DNM2: variants seen among roughly 807,000 people sequenced by gnomAD.
DNM2 encodes dynamin-2.
In DNM2, 15 loss-of-function variants were observed where a neutral mutation model predicts 99.0. The ratio of observed to expected loss-of-function variants is 0.15; its 90% CI spans 0.10 to 0.23. DNM2 has a LOEUF of 0.23. Among genes scored for constraint, DNM2 ranks in the 10% least tolerant of loss-of-function variants. The probability of loss-of-function intolerance (pLI) is 1.00; values close to 1 mark genes in which losing one functional copy is unlikely to be tolerated. For missense variants in DNM2, 742 were observed against 1,189.4 expected (o/e 0.62, Z 5.53); for synonymous variants, 525 against 481.2 (o/e 1.09, Z -1.19).
intron 13 of DNM2, 144 bp downstream of exon 13, chr19:10,806,111 C>T: frequency 2.0e-6 from 2 of 1,023,206 alleles, no homozygotes; most frequent in Middle Eastern, 2.3e-4. Context: ...CTCTAGAGGC[C>T]ACTTAGGAAT....
Position 10,795,573 on chromosome 19 carries a change from G to A in DNM2, c.1196+134G>A. ...GGCTCTTGGATGGTTTTCTGTAGCT[G>A]CGAGCCCCTCCCTGAGGGTCTCCAA... On this transcript the variant is annotated intron_variant, in intron 9 of 20. Transcript: ENST00000389253. The surrounding 1 kb of genome is among the most constrained non-coding windows in gnomAD (Gnocchi z 4.2). 1 of 1,018,326 alleles carries A rather than the reference G, an allele frequency of 9.8e-7. No individual in the cohort carries two copies. Among genetic ancestry groups the A allele is most frequent in the Non-Finnish European group, 1.5e-6 (1 of 662,940 alleles). 63.1% of individuals were successfully genotyped at this position (1,018,326 alleles called of 1,614,324 possible). A position where few individuals can be genotyped will look rare whatever the true frequency, so the allele number is the denominator to read the frequency against.
intron 1 of DNM2, among the ~76,000 whole-genome samples, chr19:10,732,928 G>T (rs2069384660): frequency 6.6e-6 from 1 of 151,676 alleles, no homozygotes; most frequent in Admixed American, 6.6e-5. Flanking sequence ...TTGTTCCCCA[G>T]GCTGGAGTGC....
At chr19:10,740,415 G>A (rs61102747) in intron 1 of DNM2, among the ~76,000 whole-genome samples, 15,874 of 149,658 alleles carry the variant, frequency 0.11, 1,296 homozygotes, top group East Asian at 0.38. Flanking sequence ...TCGCTCTGTC[G>A]CCCAGGCTGG....
intron 2 of DNM2, among the ~76,000 whole-genome samples, chr19:10,769,918 A>G (rs1568289829): frequency 2.0e-5 from 3 of 152,242 alleles, no homozygotes; most frequent in Non-Finnish European, 4.4e-5. Context: ...CAGTGGCCTC[A>G]CAAAGGCTAT....
chr19:10,722,827 G>A (rs905361787), intron 1 of DNM2, among the ~76,000 whole-genome samples: 7 of 151,822 alleles, frequency 4.6e-5, no homozygotes, highest in Non-Finnish European at 8.8e-5. Context: ...GGGCCTTGCT[G>A]TGTTGCCCAG....
rs148424531 is a variant in DNM2 at position 10,734,019 on chromosome 19, A to T, written c.161+15616A>T. Among the ~76,000 whole-genome samples the T allele has an allele frequency of 3.9e-4, 60 of 152,020 alleles. No individual in the cohort carries two copies. The East Asian group carries it at 0.01, about 25-fold the overall frequency. ...GGAGACTCCATCTCAAAAAATAAAA[A>T]AAAAAAAATGAATGAATGAAATTAA... On this transcript the variant is annotated intron_variant, in intron 1 of 20. Transcript: ENST00000389253.
chr19:10,747,320 C>G (rs2145794966), intron 1 of DNM2, among the ~76,000 whole-genome samples: 1 of 152,240 alleles, frequency 6.6e-6, no homozygotes, highest in East Asian at 1.9e-4. Flanking sequence ...CTGACCTGCC[C>G]ATCTTGTCCA....
intron 5 of DNM2, among the ~76,000 whole-genome samples, chr19:10,778,409 T>C (rs1176040125): frequency 6.6e-6 from 1 of 151,912 alleles, no homozygotes; most frequent in Non-Finnish European, 1.5e-5. Flanking sequence ...CTCAGTGCTT[T>C]GGGAGGCTGA....
chr19:10,731,954 T>TA (rs1359341309), intron 1 of DNM2, among the ~76,000 whole-genome samples: 1 of 133,150 alleles, frequency 7.5e-6, no homozygotes, highest in Non-Finnish European at 1.6e-5. Context: ...ACAGGCTTGA[T>TA]TTTTTTTTTT....
intron 15 of DNM2, among the ~76,000 whole-genome samples, chr19:10,819,748 G>A (rs754075936): frequency 3.9e-5 from 6 of 152,174 alleles, no homozygotes; most frequent in African/African-American, 9.7e-5. Context: ...CCGGTCGTCC[G>A]AAGGCCCTGG....
At chr19:10,823,117 A>C (rs2073033351) in intron 16 of DNM2, 1 of 145,512 alleles carries the variant, frequency 6.9e-6, no homozygotes. Flanking sequence ...AAACAAAACA[A>C]AACACATTCG....
chr19:10,745,201 A>G (rs976576661), intron 1 of DNM2, among the ~76,000 whole-genome samples: 1 of 152,128 alleles, frequency 6.6e-6, no homozygotes, highest in African/African-American at 2.4e-5. Context: ...CGTGCATCGC[A>G]CTTGACCTTC....
At chr19:10,780,295 G>A (rs1343522148) in intron 5 of DNM2, 1 of 153,202 alleles carries the variant, frequency 6.5e-6, no homozygotes, top group Non-Finnish European at 1.5e-5. Flanking sequence ...GTGCTAGAGA[G>A]GAAAGCAGAC....
intron 7 of DNM2, among the ~76,000 whole-genome samples, chr19:10,787,132 G>A (rs1422241933): frequency 1.3e-5 from 2 of 151,904 alleles, no homozygotes; most frequent in Admixed American, 1.3e-4. Context: ...TCGGGAGTTC[G>A]AGACCAGCCT....
chr19:10,799,609 C>G (rs2072066551), intron 11 of DNM2, among the ~76,000 whole-genome samples: 1 of 150,406 alleles, frequency 6.6e-6, no homozygotes, highest in Non-Finnish European at 1.5e-5. Flanking sequence ...TCTTGACTCA[C>G]TGCCACCTCC....
At chr19:10,797,609 G>A (rs956323053) in intron 10 of DNM2, 91 bp downstream of exon 10, 16 of 1,596,554 alleles carry the variant, frequency 1.0e-5, no homozygotes, top group Admixed American at 5.0e-5. Context: ...ATTCAGCCTC[G>A]GCAGGAACCC....
At chr19:10,784,360 G>A (rs972857601) in intron 6 of DNM2, among the ~76,000 whole-genome samples, 1 of 152,194 alleles carries the variant, frequency 6.6e-6, no homozygotes, top group Non-Finnish European at 1.5e-5. Flanking sequence ...AGAGCAAAGA[G>A]GGAAGTCAGT....
chr19:10,775,809 C>T lies in DNM2; in HGVS notation c.492C>T (p.Ile164=). 1 of 1,614,158 alleles carries T rather than the reference C, an allele frequency of 6.2e-7. No homozygotes were observed. Among genetic ancestry groups the T allele is most frequent in the Non-Finnish European group, 8.5e-7 (1 of 1,180,038 alleles). The change falls in exon 4 of 21, where the codon ATC becomes ATT. Residue 164 remains isoleucine (I), a synonymous_variant. Transcript: ENST00000389253. The surrounding 1 kb of genome is among the most constrained non-coding windows in gnomAD (Gnocchi z 4.3). Reference sequence around the variant, plus strand: ...TCAAGGACATGATCCTGCAGTTCATCAGCCGGGAGAGCAGCCTCATTCTGG... The same window carrying T: ...TCAAGGACATGATCCTGCAGTTCATTAGCCGGGAGAGCAGCCTCATTCTGG... ...YQIKDMILQF[I]SRESSLILAV...
chr19:10,794,378 T>TGTGTGTGTGA (rs1343368439), intron 8 of DNM2, among the ~76,000 whole-genome samples: 2 of 151,262 alleles, frequency 1.3e-5, no homozygotes, highest in Non-Finnish European at 2.9e-5. Flanking sequence ...TGTGTGTGTG[T>TGTGTGTGTGA]GATTTGCTTG....
Sources: gnomAD v4.1 joint callset for allele counts (sites outside exome capture counted in the v4.1 genomes callset) on GRCh38, gnomAD v4.1.1 for gene constraint, Gnocchi (gnomAD v3.1) non-coding constraint, MANE v1.5 for transcripts, NCBI Gene and HGNC (gene_info 2026-07-23, HGNC 2026-07-21) for gene names.